Variants in ZNF250 observed in about 807,000 individuals in gnomAD.
The protein encoded by ZNF250 is zinc finger protein (clone 647).
A neutral mutation model predicts 37.1 loss-of-function variants in ZNF250; 13 were observed. The observed-to-expected ratio is 0.35, with a 90% CI of 0.23 to 0.56. ZNF250 has a LOEUF of 0.56. ZNF250 is among the 20% of genes least tolerant of loss of function. The pLI is 0.87. For synonymous variants in ZNF250, 251 were observed against 265.6 expected (o/e 0.94, Z 0.54); for missense variants, 474 against 697.9 (o/e 0.68, Z 3.61).
At position 144,876,976 on chromosome 8, in the gene ZNF250, TG is replaced by T. The variant is rs1831164683; in HGVS notation, c.*4538del. The stretch of plus-strand genomic sequence containing the variant: ...CTTGTTCCAGTCATTACTTTTTTAT[TG>T]GAAAGCGTCAGATTATACACAGAAA... On this transcript the variant is annotated 3_prime_UTR_variant, in exon 6 of 6. Transcript: ENST00000417550. 2 of 152,344 alleles carry T rather than the reference TG, an allele frequency of 1.3e-5. No homozygotes were observed. The highest frequency in any genetic ancestry group is 3.9e-4 in the East Asian group (2 of 5,192). The allele number at this position is 152,344 out of a possible 1,614,324, so 9.4% of individuals were successfully genotyped here. A position where few individuals can be genotyped will look rare whatever the true frequency, so the allele number is the denominator to read the frequency against.
At chr8:144,888,433 C>T (rs1481340885) in intron 4 of ZNF250, among the ~76,000 whole-genome samples, 1 of 151,740 alleles carries the variant, frequency 6.6e-6, no homozygotes, top group South Asian at 2.1e-4. Flanking sequence ...CCTGTCTCTA[C>T]TAAAAATACA....
In ZNF250 at chr8:144,881,367, T is replaced by G. The variant is rs1005533023; in HGVS notation, c.*148A>C. 1.7e-5 allele frequency: 21 copies of G among 1,245,466 alleles called. No individual in the cohort carries two copies. Among genetic ancestry groups the G allele is most frequent in the Non-Finnish European group, 2.3e-5 (21 of 930,486 alleles). 77.2% of individuals were successfully genotyped at this position (1,245,466 alleles called of 1,614,324 possible). On this transcript the variant is annotated 3_prime_UTR_variant, in exon 6 of 6. Transcript: ENST00000417550. ...AAGTTTTTCCACAGGAACAGCACGCTAAGTGCTTCTTTCTGGAGTTATTTT... is the reference window on the plus strand; with the variant it reads ...AAGTTTTTCCACAGGAACAGCACGCGAAGTGCTTCTTTCTGGAGTTATTTT...
intron 5 of ZNF250, among the ~76,000 whole-genome samples, chr8:144,883,540 G>A (rs1461200122): frequency 6.6e-6 from 1 of 151,926 alleles, no homozygotes; most frequent in Non-Finnish European, 1.5e-5. Flanking sequence ...GGGTTTTATC[G>A]TGTCGGCCAG....
chr8:144,900,694 A>G (rs1333348235), intron 1 of ZNF250, among the ~76,000 whole-genome samples: 1 of 152,196 alleles, frequency 6.6e-6, no homozygotes, highest in Non-Finnish European at 1.5e-5. Context: ...TGGGGAGAGG[A>G]TAAGACACCC....
rs530458372 is a variant in ZNF250, at chr8:144,893,032, T to A, written c.-54-2629A>T. Among the ~76,000 whole-genome samples the A allele has an allele frequency of 4.9e-4, 74 of 151,082 alleles. 1 individual carries two copies. Among genetic ancestry groups the A allele is most frequent in the Admixed American group, 1.7e-3 (25 of 15,150 alleles). On this transcript the variant is annotated intron_variant, in intron 1 of 5. Transcript: ENST00000417550. ...CCACCAGCACGCTCGGCTAATTTTT[T>A]AAATATTTTTAGTAGAGATGGGTTT...
At chr8:144,900,406 AAAGGG>A (rs2129924184) in intron 1 of ZNF250, among the ~76,000 whole-genome samples, 1 of 152,284 alleles carries the variant, frequency 6.6e-6, no homozygotes, top group African/African-American at 2.4e-5. Flanking sequence ...ATGACAGAAA[AAAGGG>A]TGTGCGTGCG....
At chr8:144,900,189 C>G (rs971116263) in intron 1 of ZNF250, among the ~76,000 whole-genome samples, 1 of 152,200 alleles carries the variant, frequency 6.6e-6, no homozygotes, top group Non-Finnish European at 1.5e-5. Context: ...CCTGTCAAAG[C>G]CCACAGGACC....
chr8:144,892,595 C>T (rs1427145459), intron 1 of ZNF250, among the ~76,000 whole-genome samples: 1 of 151,900 alleles, frequency 6.6e-6, no homozygotes, highest in African/African-American at 2.4e-5. Flanking sequence ...ACTCTTGTTG[C>T]CCAGGCTGGA....
chr8:144,896,465 G>T (rs773546623), intron 1 of ZNF250, among the ~76,000 whole-genome samples: 4 of 152,110 alleles, frequency 2.6e-5, no homozygotes, highest in Admixed American at 2.6e-4. Context: ...AAAGGTTTCA[G>T]TTTCCTGGAA....
intron 1 of ZNF250, among the ~76,000 whole-genome samples, chr8:144,899,506 G>GA (rs1832965900): frequency 6.6e-6 from 1 of 152,012 alleles, no homozygotes; most frequent in African/African-American, 2.4e-5. Flanking sequence ...CCATAAATGT[G>GA]TATAATTATT....
intron 4 of ZNF250, among the ~76,000 whole-genome samples, chr8:144,888,026 C>A (rs1244459902): frequency 2.6e-5 from 4 of 152,236 alleles, no homozygotes; most frequent in African/African-American, 9.6e-5. Context: ...TCCCTACTCT[C>A]CCCAAGTGGG....
chr8:144,881,881 G>C lies in ZNF250; in HGVS notation c.1302C>G (p.Ile434Met). Reference sequence around the variant, plus strand: ...CCCCAGTGTGGACTCTCTGGTGCTGGATCAGGTGTGAGTGCTGAACGAAGG... The same window carrying C: ...CCCCAGTGTGGACTCTCTGGTGCTGCATCAGGTGTGAGTGCTGAACGAAGG... Reference protein sequence around the residue: ...GKAFVQHSHLIQHQRVHTGEK... With the variant: ...GKAFVQHSHLMQHQRVHTGEK... The change falls in exon 6 of 6, where the codon ATC (isoleucine) becomes ATG (methionine). Residue 434 changes from isoleucine to methionine, a missense_variant. Transcript: ENST00000417550. 1 of 1,611,446 alleles carries C rather than the reference G, an allele frequency of 6.2e-7. No individual in the cohort carries two copies. Among genetic ancestry groups the C allele is most frequent in the Non-Finnish European group, 8.5e-7 (1 of 1,179,256 alleles).
intron 1 of ZNF250, among the ~76,000 whole-genome samples, chr8:144,895,395 A>C (rs1832646987): frequency 6.6e-6 from 1 of 152,140 alleles, no homozygotes; most frequent in South Asian, 2.1e-4. Context: ...CACCTGCCTC[A>C]CTTGGGCCAG....
At position 144,889,855 on chromosome 8, in the gene ZNF250, C is replaced by T. The variant is rs1170600655; in HGVS notation, c.169+78G>A. On this transcript the variant is annotated intron_variant, in intron 3 of 5. Transcript: ENST00000417550. ...AGCAAACCTCCAGGACCAGCCTGTCCCAGGCCCCGTACCCTGAGAAGCCCC... is the reference window on the plus strand; with the variant it reads ...AGCAAACCTCCAGGACCAGCCTGTCTCAGGCCCCGTACCCTGAGAAGCCCC... 5.9e-6 allele frequency: 9 copies of T among 1,518,390 alleles called. No homozygotes were observed. In the Admixed American group the frequency reaches 1.8e-4, roughly 31 times the overall value. 94.1% of individuals were successfully genotyped at this position (1,518,390 alleles called of 1,614,324 possible). A position where few individuals can be genotyped will look rare whatever the true frequency, so the allele number is the denominator to read the frequency against.
In ZNF250 at chr8:144,897,592, C is replaced by G. The variant is rs1563902865; in HGVS notation, c.-55+3807G>C. On this transcript the variant is annotated intron_variant, in intron 1 of 5. Coordinates refer to ENST00000417550, the MANE Select transcript of ZNF250 (RefSeq NM_001109689.4). The surrounding 1 kb of genome is among the most constrained non-coding windows in gnomAD (Gnocchi z 5.2). Reference sequence around the variant, plus strand: ...TGAGACCAGCTCGGTCGGGGAGACCCTAACCCAGCGGCGCTAGAGGAATTA... The same window carrying G: ...TGAGACCAGCTCGGTCGGGGAGACCGTAACCCAGCGGCGCTAGAGGAATTA... Among the ~76,000 whole-genome samples, 1 of 152,162 alleles carries G rather than the reference C, an allele frequency of 6.6e-6. No homozygotes were observed. The highest frequency in any genetic ancestry group is 1.5e-5 in the Non-Finnish European group (1 of 68,028).
At chr8:144,896,197 A>G (rs1383634909) in intron 1 of ZNF250, among the ~76,000 whole-genome samples, 1 of 151,690 alleles carries the variant, frequency 6.6e-6, no homozygotes, top group African/African-American at 2.4e-5. Flanking sequence ...CCGTCTCTAT[A>G]AAAAAATTTA....
Position 144,882,740 on chromosome 8 carries a change from C to G in ZNF250, c.443G>C (p.Arg148Thr), listed in dbSNP as rs758131813. 3.7e-6 allele frequency: 6 copies of G among 1,613,910 alleles called. No homozygotes were observed. In the Admixed American group the frequency reaches 1.0e-4, roughly 27 times the overall value. ...TVILGKTPLG[R>T]IDQENNETKQ... ...TGTTTCATTATTTTCTTGATCAATC[C>G]TCCCCAAGGGTGTTTTCCCCAGAAT... is the stretch of plus-strand genomic sequence containing the variant. The change falls in exon 6 of 6, where the codon AGG becomes ACG. Residue 148 changes from arginine to threonine, a missense_variant. This residue lies in a region of ZNF250 where 192 missense variants were observed against 227.5 expected (regional missense o/e 0.84). Transcript: ENST00000417550. This position sits in a 1 kb window ranked among gnomAD's most constrained non-coding sequence, Gnocchi z 5.5.
intron 5 of ZNF250, among the ~76,000 whole-genome samples, chr8:144,883,919 A>T (rs1007712485): frequency 6.6e-6 from 1 of 151,602 alleles, no homozygotes; most frequent in African/African-American, 2.4e-5. Context: ...CTGTCACCCA[A>T]GCTGGAGTAC....
At chr8:144,887,414 CT>C (rs1266851720) in intron 4 of ZNF250, among the ~76,000 whole-genome samples, 1 of 152,132 alleles carries the variant, frequency 6.6e-6, no homozygotes, top group Non-Finnish European at 1.5e-5. Flanking sequence ...ATATCTACTC[CT>C]CGCTTGCTCT....
Sources: allele counts gnomAD v4.1 joint callset (sites outside exome capture counted in the v4.1 genomes callset), GRCh38; gene constraint gnomAD v4.1.1; regional missense constraint gnomAD v4.1.1; non-coding constraint Gnocchi (gnomAD v3.1); transcripts MANE v1.5; gene names NCBI Gene and HGNC (gene_info 2026-07-23, HGNC 2026-07-21).